The following LRRC4C variants were observed in gnomAD, a reference collection of about 807,000 sequenced individuals.
LRRC4C encodes the protein leucine-rich repeat-containing protein 4C.
A neutral mutation model predicts 33.6 loss-of-function variants in LRRC4C; 5 were observed. That is an observed-to-expected ratio of 0.15 (90% CI 0.08 to 0.31). The LOEUF (loss-of-function observed/expected upper bound fraction) is 0.31. Among genes scored for constraint, LRRC4C ranks in the 10% least tolerant of loss-of-function variants. The pLI, the probability that LRRC4C is intolerant of heterozygous loss-of-function variation, is 1.00. For missense variants in LRRC4C, 560 were observed against 796.7 expected (o/e 0.70, Z 3.58); for synonymous variants, 329 against 302.0 (o/e 1.09, Z -0.93).
chr11:40,856,450 C>A (rs1953787480), intron 2 of LRRC4C, among the ~76,000 whole-genome samples: 1 of 152,116 alleles, frequency 6.6e-6, no homozygotes. Context: ...TTCCTATGTT[C>A]AGAAGAAACA....
chr11:40,631,149 GC>G (rs1188593674), intron 3 of LRRC4C, among the ~76,000 whole-genome samples: 1 of 152,122 alleles, frequency 6.6e-6, no homozygotes, highest in Non-Finnish European at 1.5e-5. Context: ...GCTGCTTTTG[GC>G]TTTCACCCTC....
chr11:40,468,699 C>A (rs1435110036), intron 3 of LRRC4C, among the ~76,000 whole-genome samples: 9 of 151,960 alleles, frequency 5.9e-5, no homozygotes, highest in Non-Finnish European at 1.0e-4. Context: ...TATATAAATG[C>A]ACCTGTCTAA....
intron 3 of LRRC4C, among the ~76,000 whole-genome samples, chr11:40,521,381 T>C (rs1565469533): frequency 6.6e-6 from 1 of 152,246 alleles, no homozygotes; most frequent in Non-Finnish European, 1.5e-5. Context: ...GCTGGATTTA[T>C]AGCAATCAGC....
At chr11:41,438,038 CAAATAAAT>C (rs569593314) in intron 1 of LRRC4C, among the ~76,000 whole-genome samples, 756 of 65,620 alleles carry the variant, frequency 0.012, 4 homozygotes, top group African/African-American at 0.022. Flanking sequence ...AACTCCATCT[CAAATAAAT>C]AAATAAATAA....
intron 2 of LRRC4C, among the ~76,000 whole-genome samples, chr11:40,688,599 G>C (rs1029626556): frequency 2.6e-5 from 4 of 152,070 alleles, no homozygotes; most frequent in Non-Finnish European, 5.9e-5. Context: ...CTGAGAGTCC[G>C]ATTGCTGCAG....
intron 3 of LRRC4C, among the ~76,000 whole-genome samples, chr11:40,589,468 T>C (rs1958930008): frequency 6.6e-6 from 1 of 151,874 alleles, no homozygotes; most frequent in African/African-American, 2.4e-5. Flanking sequence ...GAGCATTTAG[T>C]CCATTTACAT....
At chr11:40,430,802 A>G (rs1950891254) in intron 3 of LRRC4C, among the ~76,000 whole-genome samples, 1 of 151,898 alleles carries the variant, frequency 6.6e-6, no homozygotes, top group African/African-American at 2.4e-5. Flanking sequence ...TTGTAGGGAC[A>G]TGGATGAAAT....
intron 1 of LRRC4C, among the ~76,000 whole-genome samples, chr11:41,170,367 A>G (rs1200824227): frequency 6.6e-6 from 1 of 152,192 alleles, no homozygotes; most frequent in Non-Finnish European, 1.5e-5. Context: ...CTACAAGACT[A>G]CAGTAACCAA....
intron 2 of LRRC4C, among the ~76,000 whole-genome samples, chr11:40,916,840 A>C (rs1956983486): frequency 6.6e-6 from 1 of 152,042 alleles, no homozygotes; most frequent in African/African-American, 2.4e-5. Context: ...ATATTTATGG[A>C]TTTACAAGTT....
rs151330439 is a variant in LRRC4C, at chr11:40,212,801, C to T, written c.-96+28718G>A. Reference sequence around the variant, plus strand: ...CAATACCGACGTCAAGATTGGAATCCAAGCAGGGTAGTTTCAGACTCTGTG... The same window carrying T: ...CAATACCGACGTCAAGATTGGAATCTAAGCAGGGTAGTTTCAGACTCTGTG... On this transcript the variant is annotated intron_variant, in intron 5 of 6. Coordinates refer to ENST00000528697, the MANE Select transcript of LRRC4C (RefSeq NM_001258419.2). 2.8e-3 allele frequency among the ~76,000 whole-genome samples: 424 copies of T among 152,162 alleles called. 2 individuals carry two copies. The highest frequency in any genetic ancestry group is 9.8e-3 in the African/African-American group (408 of 41,518).
chr11:41,182,154 T>C (rs1017380654), intron 1 of LRRC4C, among the ~76,000 whole-genome samples: 7 of 152,198 alleles, frequency 4.6e-5, no homozygotes, highest in Non-Finnish European at 8.8e-5. Flanking sequence ...ACCAGGGAGA[T>C]GAAAATAGCA....
At chr11:41,227,354 G>A (rs964845658) in intron 1 of LRRC4C, among the ~76,000 whole-genome samples, 19 of 152,040 alleles carry the variant, frequency 1.2e-4, no homozygotes, top group Non-Finnish European at 2.5e-4. Context: ...TACAATATAT[G>A]AGGTAAGAAT....
intron 1 of LRRC4C, among the ~76,000 whole-genome samples, chr11:41,370,455 G>A (rs111662259): frequency 0.095 from 14,398 of 152,112 alleles, 755 homozygotes; most frequent in South Asian, 0.18. Flanking sequence ...AATCATGGGG[G>A]CGGCTCCCCC....
At chr11:40,526,954 A>G (rs1956075028) in intron 3 of LRRC4C, among the ~76,000 whole-genome samples, 1 of 152,200 alleles carries the variant, frequency 6.6e-6, no homozygotes, top group Admixed American at 6.5e-5. Context: ...CTACTCATAC[A>G]TAGCCACTGA....
At chr11:40,839,069 G>A (rs936392839) in intron 2 of LRRC4C, among the ~76,000 whole-genome samples, 1 of 151,944 alleles carries the variant, frequency 6.6e-6, no homozygotes, top group Non-Finnish European at 1.5e-5. Context: ...CATGTAATAT[G>A]TTTTTCAGCA....
intron 1 of LRRC4C, among the ~76,000 whole-genome samples, chr11:41,346,640 A>G (rs1951812368): frequency 1.3e-5 from 2 of 152,238 alleles, no homozygotes; most frequent in East Asian, 1.9e-4. Context: ...TCTGTAGTCA[A>G]AAAGTCTGCA....
At chr11:41,377,076 T>C (rs1952963082) in intron 1 of LRRC4C, among the ~76,000 whole-genome samples, 1 of 152,222 alleles carries the variant, frequency 6.6e-6, no homozygotes. Flanking sequence ...ATATGATATA[T>C]GCAGTTATCC....
intron 2 of LRRC4C, among the ~76,000 whole-genome samples, chr11:40,696,744 C>CAG (rs1945558671): frequency 1.6e-5 from 1 of 62,252 alleles, no homozygotes; most frequent in African/African-American, 5.3e-5. Flanking sequence ...TATATATACA[C>CAG]TGTGTATATA....
chr11:41,234,911 A>G (rs763176349), intron 1 of LRRC4C, among the ~76,000 whole-genome samples: 3 of 152,054 alleles, frequency 2.0e-5, no homozygotes, highest in Non-Finnish European at 2.9e-5. Flanking sequence ...TTTAATCACT[A>G]TGGTATAACA....
Sources: allele counts gnomAD v4.1 joint callset (sites outside exome capture counted in the v4.1 genomes callset), GRCh38; gene constraint gnomAD v4.1.1; transcripts MANE v1.5; gene names NCBI Gene and HGNC (gene_info 2026-07-23, HGNC 2026-07-21).